Variants in SMAP1 observed in about 807,000 individuals in gnomAD.
SMAP1 encodes the protein stromal membrane-associated protein 1.
SMAP1 carries 24 observed loss-of-function variants against 58.5 expected under a neutral mutation model. The ratio of observed to expected loss-of-function variants is 0.41; its 90% CI spans 0.30 to 0.58. The LOEUF (loss-of-function observed/expected upper bound fraction) is 0.58, where lower values mean the gene tolerates loss of function less well. SMAP1 is among the 20% of genes least tolerant of loss of function. SMAP1 has a pLI of 0.29. For synonymous variants in SMAP1, 216 were observed against 196.6 expected, an observed-to-expected ratio of 1.10 and a Z score of -0.82; for missense variants, 563 against 566.3, an observed-to-expected ratio of 0.99 and a Z score of 0.06.
intron 2 of SMAP1, among the ~76,000 whole-genome samples, chr6:70,734,248 C>G (rs920768915): frequency 2.6e-5 from 4 of 151,868 alleles, no homozygotes; most frequent in Non-Finnish European, 4.4e-5. Flanking sequence ...TGGGTTCAAG[C>G]GATTCTCCTG....
At chr6:70,680,102 TCAACAACAACAACAA>T (rs140699249) in intron 1 of SMAP1, among the ~76,000 whole-genome samples, 4 of 150,352 alleles carry the variant, frequency 2.7e-5, no homozygotes, top group Non-Finnish European at 5.9e-5. Context: ...GATAGTCTTT[TCAACAACAACAACAA>T]CAACAACAAC....
intron 1 of SMAP1, among the ~76,000 whole-genome samples, chr6:70,723,049 T>G (rs1248099065): frequency 6.6e-6 from 1 of 152,258 alleles, no homozygotes; most frequent in African/African-American, 2.4e-5. Context: ...AAAACATTTC[T>G]GAGTAAACTT....
Position 70,856,887 on chromosome 6 carries a change from C to A in SMAP1, c.818C>A (p.Thr273Asn). ...QGTPSAPAAA[T>N]LSTVTSGDLD... is the part of the protein sequence containing the mutation. ...ACACCCTCTGCACCAGCAGCTGCAA[C>A]CCTGTCTACAGTAACATCTGGGGAT... The change falls in exon 9 of 11, where the codon ACC becomes AAC. Residue 273 changes from threonine (T) to asparagine (N), a missense_variant. By Grantham distance (65) the Thr-to-Asn change is moderately conservative. Coordinates refer to ENST00000370455, the MANE Select transcript of SMAP1 (RefSeq NM_001044305.3). 1.9e-6 allele frequency: 3 copies of A among 1,613,370 alleles called. No individual in the cohort carries two copies. The highest frequency in any genetic ancestry group is 2.5e-6 in the Non-Finnish European group (3 of 1,179,584).
At chr6:70,695,181 G>A (rs1767348572) in intron 1 of SMAP1, among the ~76,000 whole-genome samples, 1 of 151,990 alleles carries the variant, frequency 6.6e-6, no homozygotes, top group African/African-American at 2.4e-5. Flanking sequence ...GTAGTTTTTT[G>A]GTAGGGTCTT....
chr6:70,687,719 G>C (rs1766991479), intron 1 of SMAP1, among the ~76,000 whole-genome samples: 1 of 152,086 alleles, frequency 6.6e-6, no homozygotes, highest in Admixed American at 6.6e-5. Context: ...GTAACATCTT[G>C]TAAAATTATA....
intron 1 of SMAP1, among the ~76,000 whole-genome samples, chr6:70,684,879 C>G (rs1214756141): frequency 6.6e-6 from 1 of 152,172 alleles, no homozygotes; most frequent in African/African-American, 2.4e-5. Flanking sequence ...GCTTTGAAAG[C>G]TCACTGCTCT....
chr6:70,757,918 G>A (rs1010985173), intron 3 of SMAP1, among the ~76,000 whole-genome samples: 18 of 151,956 alleles, frequency 1.2e-4, no homozygotes, highest in African/African-American at 4.1e-4. Context: ...TTACACTGTT[G>A]GTGGGAATGT....
chr6:70,683,890 T>C (rs911743984), intron 1 of SMAP1, among the ~76,000 whole-genome samples: 1 of 152,242 alleles, frequency 6.6e-6, no homozygotes, highest in Non-Finnish European at 1.5e-5. Context: ...CCAGGTCTTC[T>C]GGAAATCTGT....
At chr6:70,688,121 T>C (rs1211317706) in intron 1 of SMAP1, among the ~76,000 whole-genome samples, 1 of 152,196 alleles carries the variant, frequency 6.6e-6, no homozygotes, top group East Asian at 1.9e-4. Context: ...ATCCAAGTTT[T>C]TGCGTCTGTT....
chr6:70,735,454 A>G (rs1365419480), intron 2 of SMAP1, among the ~76,000 whole-genome samples: 1 of 152,250 alleles, frequency 6.6e-6, no homozygotes, highest in Non-Finnish European at 1.5e-5. Flanking sequence ...CCATATTCAT[A>G]TGATATTTTA....
At chr6:70,813,653 G>A (rs1769486111) in intron 6 of SMAP1, among the ~76,000 whole-genome samples, 1 of 151,886 alleles carries the variant, frequency 6.6e-6, no homozygotes, top group African/African-American at 2.4e-5. Context: ...TATATATTGA[G>A]CCTTAAACTT....
intron 3 of SMAP1, among the ~76,000 whole-genome samples, chr6:70,764,768 A>T (rs1285109166): frequency 6.6e-6 from 1 of 152,200 alleles, no homozygotes; most frequent in Admixed American, 6.5e-5. Flanking sequence ...TCTGTTCTGC[A>T]GCCCATGGAT....
chr6:70,792,940 C>A (rs1768430896), intron 5 of SMAP1, among the ~76,000 whole-genome samples: 1 of 152,018 alleles, frequency 6.6e-6, no homozygotes. Context: ...AAAGACTTAA[C>A]CTATTACTCT....
rs1252525392 is a variant in SMAP1, at chr6:70,861,925, G to A, written c.*1591G>A. ...TGCATCCCTGGCTGGGATCCACGAC[G>A]CTTAAATACAGCTTTTGGATTGGAC... On this transcript the variant is annotated 3_prime_UTR_variant, in exon 11 of 11. Coordinates refer to ENST00000370455, the MANE Select transcript of SMAP1 (RefSeq NM_001044305.3). 1.4e-5 allele frequency: 23 copies of A among 1,613,688 alleles called. No individual in the cohort carries two copies. In the African/African-American group the frequency reaches 2.5e-4, roughly 18 times the overall value.
At chr6:70,711,916 C>T (rs989237099) in intron 1 of SMAP1, among the ~76,000 whole-genome samples, 3 of 152,094 alleles carry the variant, frequency 2.0e-5, no homozygotes, top group Non-Finnish European at 4.4e-5. Context: ...GATTTGGATG[C>T]TGTTTATGTC....
At chr6:70,735,715 G>T (rs1291094043) in intron 2 of SMAP1, among the ~76,000 whole-genome samples, 1 of 152,190 alleles carries the variant, frequency 6.6e-6, no homozygotes, top group Non-Finnish European at 1.5e-5. Flanking sequence ...CTTGCAGTAA[G>T]CCAAGATCCT....
intron 9 of SMAP1, 24 bp from the exon 10 acceptor site, chr6:70,857,898 A>G: frequency 6.2e-7 from 1 of 1,609,714 alleles, no homozygotes; most frequent in South Asian, 1.1e-5. Context: ...CTCTGTCTTC[A>G]TTCATTTTCT....
intron 3 of SMAP1, among the ~76,000 whole-genome samples, chr6:70,762,279 C>T (rs1453060780): frequency 1.3e-5 from 2 of 152,090 alleles, no homozygotes; most frequent in Admixed American, 6.6e-5. Context: ...TATTAGAACC[C>T]AGCCATGTAC....
chr6:70,859,513 GTA>G, intron 10 of SMAP1: 1 of 757,448 alleles, frequency 1.3e-6, no homozygotes, highest in Non-Finnish European at 2.1e-6. Flanking sequence ...CAAGTCAAAT[GTA>G]TTAAATTAAG....
Sources: gnomAD v4.1 joint callset for allele counts (sites outside exome capture counted in the v4.1 genomes callset) on GRCh38, gnomAD v4.1.1 for gene constraint, MANE v1.5 for transcripts, NCBI Gene and HGNC (gene_info 2026-07-23, HGNC 2026-07-21) for gene names.